The following SLC14A2 variants were observed in gnomAD, a reference collection of about 807,000 sequenced individuals.
The protein encoded by SLC14A2 is solute carrier family 14 member 2.
A neutral mutation model predicts 104.6 loss-of-function variants in SLC14A2; 91 were observed. The observed-to-expected ratio is 0.87, with a 90% confidence interval of 0.73 to 1.04. The LOEUF (loss-of-function observed/expected upper bound fraction) is 1.04, where lower values mean the gene tolerates loss of function less well. Ranked by LOEUF, SLC14A2 falls within the 50% of genes least tolerant of loss-of-function variation. SLC14A2 has a pLI of 0.00. For synonymous variants in SLC14A2, 476 were observed against 466.4 expected (o/e 1.02, Z -0.27); for missense variants, 1,189 against 1,156.0 (o/e 1.03, Z -0.41).
At chr18:45,504,237 G>A (rs1203572625) in intron 2 of SLC14A2, among the ~76,000 whole-genome samples, 2 of 152,166 alleles carry the variant, frequency 1.3e-5, no homozygotes, top group African/African-American at 4.8e-5. Context: ...GAGGCAGCTG[G>A]AAAAGGGAGG....
intron 1 of SLC14A2, among the ~76,000 whole-genome samples, chr18:45,473,026 T>C (rs2087281496): frequency 6.6e-6 from 1 of 152,242 alleles, no homozygotes; most frequent in Non-Finnish European, 1.5e-5. Context: ...CATTTAAGTC[T>C]TTAATCCATC....
chr18:45,544,580 A>G (rs2043939781), intron 2 of SLC14A2, among the ~76,000 whole-genome samples: 1 of 152,104 alleles, frequency 6.6e-6, no homozygotes, highest in Admixed American at 6.5e-5. Context: ...AAAGAAGCCA[A>G]AGAAAAAAAC....
intron 1 of SLC14A2, among the ~76,000 whole-genome samples, chr18:45,264,519 G>C (rs527833844): frequency 3.9e-5 from 6 of 152,220 alleles, no homozygotes; most frequent in African/African-American, 1.2e-4. Context: ...ATCTGAGACT[G>C]GGTAATTTAT....
chr18:45,261,086 G>A (rs1055053746), intron 1 of SLC14A2, among the ~76,000 whole-genome samples: 2 of 150,750 alleles, frequency 1.3e-5, no homozygotes, highest in Non-Finnish European at 2.9e-5. Flanking sequence ...ATACGTATAC[G>A]TGTGCCATGT....
At chr18:45,204,481 T>C in the SLC14A2 span, among the ~76,000 whole-genome samples, 6 of 152,176 alleles carry the variant, frequency 3.9e-5, no homozygotes, top group South Asian at 8.3e-4. Flanking sequence ...TCTGAGAACA[T>C]TGCTTATCAG....
chr18:45,436,332 C>T (rs1200440792), intron 1 of SLC14A2, among the ~76,000 whole-genome samples: 1 of 152,202 alleles, frequency 6.6e-6, no homozygotes, highest in African/African-American at 2.4e-5. Flanking sequence ...TATAGACCAC[C>T]TTCTCTGTCC....
Position 45,501,294 on chromosome 18 carries a change from C to A in SLC14A2, c.-35+17972C>A, listed in dbSNP as rs146418121. On this transcript the variant is annotated intron_variant, in intron 2 of 20. Coordinates refer to the SLC14A2 transcript ENST00000586448. ...TCTGCTTATGTCCTGTCCATCAACA[C>A]TCCCCTTATAAGGGACCTGTGATTA... Among the ~76,000 whole-genome samples the A allele has an allele frequency of 3.3e-4, 51 of 152,332 alleles. 1 individual carries two copies. The highest frequency in any genetic ancestry group is 1.2e-3 in the African/African-American group (50 of 41,566).
At chr18:45,200,262 C>G in the SLC14A2 span, among the ~76,000 whole-genome samples, 1 of 152,130 alleles carries the variant, frequency 6.6e-6, no homozygotes, top group East Asian at 1.9e-4. Context: ...CTTGCCTAAG[C>G]CACAACCTAA....
chr18:45,469,795 C>T (rs1443785422), intron 1 of SLC14A2, among the ~76,000 whole-genome samples: 1 of 152,186 alleles, frequency 6.6e-6, no homozygotes, highest in East Asian at 1.9e-4. Context: ...AAAAGGAAAG[C>T]TCCCAGTGTG....
intron 1 of SLC14A2, among the ~76,000 whole-genome samples, chr18:45,618,218 C>T (rs563452358): frequency 6.6e-6 from 1 of 152,312 alleles, no homozygotes; most frequent in Middle Eastern, 3.4e-3. Flanking sequence ...GAGGACATCC[C>T]TCTTGGTTCT....
intron 1 of SLC14A2, among the ~76,000 whole-genome samples, chr18:45,341,057 GTGGC>G (rs928570255): frequency 6.6e-6 from 1 of 152,040 alleles, no homozygotes; most frequent in Non-Finnish European, 1.5e-5. Context: ...GGCCCCAAGG[GTGGC>G]TGTAGAAAGG....
At chr18:45,422,960 C>T (rs2144523930) in intron 1 of SLC14A2, among the ~76,000 whole-genome samples, 2 of 152,284 alleles carry the variant, frequency 1.3e-5, no homozygotes, top group South Asian at 4.1e-4. Context: ...CCCCTCCTAA[C>T]TTTTCCACTT....
chr18:45,414,280 C>G (rs548439924), intron 1 of SLC14A2, among the ~76,000 whole-genome samples: 8 of 152,276 alleles, frequency 5.3e-5, no homozygotes, highest in Non-Finnish European at 1.2e-4. Flanking sequence ...AGCTGAGGTA[C>G]AGTGCATGAA....
In SLC14A2 at chr18:45,668,358, C is replaced by T. The variant is rs141424838; in HGVS notation, c.1917C>T (p.Ile639=). The part of the protein sequence containing the change: ...ALILSQDKSA[I]AAGFHGYNGV... ...CTCCCTCTCCTGCCAGGTCGGCCAT[C>T]GCTGCAGGATTTCACGGCTACAATG... Residue 639 remains isoleucine, a synonymous_variant, in exon 15 of 20, where the codon ATC becomes ATT. Coordinates refer to ENST00000255226, the MANE Select transcript of SLC14A2 (RefSeq NM_007163.4). 1.3e-4 allele frequency: 212 copies of T among 1,614,072 alleles called. No homozygotes were observed. The highest frequency in any genetic ancestry group is 1.2e-3 in the Middle Eastern group (7 of 6,026).
intron 3 of SLC14A2, 114 bp from the exon 4 acceptor site, chr18:45,626,844 T>TG: frequency 4.9e-6 from 2 of 409,868 alleles, no homozygotes; most frequent in Non-Finnish European, 8.8e-6. Flanking sequence ...CCTGGCTGAA[T>TG]GGGAAGGGTC....
intron 2 of SLC14A2, among the ~76,000 whole-genome samples, chr18:45,585,108 G>A (rs2044547931): frequency 6.6e-6 from 1 of 151,376 alleles, no homozygotes; most frequent in African/African-American, 2.4e-5. Context: ...CTCAGCATCA[G>A]ATTCCCACAC....
At chr18:45,607,094 A>G (rs1248438672) in intron 2 of SLC14A2, among the ~76,000 whole-genome samples, 1 of 151,852 alleles carries the variant, frequency 6.6e-6, no homozygotes, top group African/African-American at 2.4e-5. Flanking sequence ...TTTTTCATGC[A>G]TTTAAATGTT....
intron 2 of SLC14A2, among the ~76,000 whole-genome samples, chr18:45,507,570 T>TG (rs1334414021): frequency 6.6e-6 from 1 of 152,102 alleles, no homozygotes; most frequent in Non-Finnish European, 1.5e-5. Context: ...AAAGAATCTG[T>TG]GGGGACACAG....
At chr18:45,286,245 T>C (rs1173827183) in intron 1 of SLC14A2, among the ~76,000 whole-genome samples, 3 of 152,214 alleles carry the variant, frequency 2.0e-5, no homozygotes, top group African/African-American at 4.8e-5. Flanking sequence ...CCATGGTTCA[T>C]TATTTCCATC....
Sources: gnomAD v4.1 joint callset for allele counts (sites outside exome capture counted in the v4.1 genomes callset) on GRCh38, gnomAD v4.1.1 for gene constraint, MANE v1.5 for transcripts, NCBI Gene and HGNC (gene_info 2026-07-23, HGNC 2026-07-21) for gene names.